The following TEKTIP1 variants were observed in gnomAD, a reference collection of about 807,000 sequenced individuals.
The protein encoded by TEKTIP1 is tektin bundle interacting protein 1, also known as tektin bundle-interacting protein 1.
chr19:3,543,361 G>C, the TEKTIP1 span: 2 of 1,549,376 alleles, frequency 1.3e-6, no homozygotes, highest in East Asian at 2.4e-5. Flanking sequence ...TGACCAACTC[G>C]GACGCCTGGG....
At chr19:3,539,311 C>CCATA in the TEKTIP1 span, 1 of 1,147,468 alleles carries the variant, frequency 8.7e-7, no homozygotes, top group South Asian at 1.3e-5. Context: ...CTCCCTCCCT[C>CCATA]CCTGGGTGTC....
chr19:3,542,673 G>A, the TEKTIP1 span: 1 of 1,175,846 alleles, frequency 8.5e-7, no homozygotes, highest in Non-Finnish European at 1.1e-6. Context: ...AGTAGAGATG[G>A]GGTTTTACCA....
chr19:3,540,370 G>C, the TEKTIP1 span, among the ~76,000 whole-genome samples: 1 of 151,516 alleles, frequency 6.6e-6, no homozygotes, highest in African/African-American at 2.4e-5. Context: ...CGATTCTCCT[G>C]CCTCAGCCTC....
At chr19:3,542,381 G>A in the TEKTIP1 span, 1 of 985,436 alleles carries the variant, frequency 1.0e-6, no homozygotes, top group Non-Finnish European at 1.2e-6. Flanking sequence ...AACCCTGCTA[G>A]ACTGTCTTGG....
At chr19:3,541,674 G>C in the TEKTIP1 span, 2 of 985,168 alleles carry the variant, frequency 2.0e-6, no homozygotes, top group Non-Finnish European at 2.4e-6. Flanking sequence ...ATGGGCTCCC[G>C]CAAGTGTGTA....
At chr19:3,543,456 A>C in the TEKTIP1 span, 2 of 1,531,372 alleles carry the variant, frequency 1.3e-6, no homozygotes, top group Admixed American at 4.0e-5. Context: ...CAACACCGTG[A>C]GTGCAGCATG....
At chr19:3,541,057 TACTCGGG>T in the TEKTIP1 span, among the ~76,000 whole-genome samples, 1 of 148,018 alleles carries the variant, frequency 6.8e-6, no homozygotes, top group African/African-American at 2.5e-5. Flanking sequence ...CAATCCCAGC[TACTCGGG>T]AGGCTGAGGC....
At chr19:3,543,944 C>T in the TEKTIP1 span, 1 of 1,551,176 alleles carries the variant, frequency 6.4e-7, no homozygotes, top group South Asian at 1.2e-5. Context: ...GGGAGTGGGT[C>T]CTGGAACCAT....
At chr19:3,543,561 C>T in the TEKTIP1 span, 5 of 1,538,404 alleles carry the variant, frequency 3.3e-6, no homozygotes, top group African/African-American at 4.1e-5. Flanking sequence ...GCAGCCTACA[C>T]CCAGCACCTG....
At chr19:3,543,627 C>T in the TEKTIP1 span, 8 of 1,544,110 alleles carry the variant, frequency 5.2e-6, no homozygotes, top group Admixed American at 1.6e-4. Context: ...GCCCCCAGCA[C>T]CCGGTGGGGG....
chr19:3,542,517 A>G, the TEKTIP1 span: 1 of 949,752 alleles, frequency 1.1e-6, no homozygotes, highest in Non-Finnish European at 1.3e-6. Flanking sequence ...TCTGTTGCCC[A>G]GGCTGGAGTG....
the TEKTIP1 span, chr19:3,541,545 A>T: frequency 3.0e-5 from 13 of 433,314 alleles, 1 homozygote; most frequent in Admixed American, 7.0e-5. Context: ...CTGGTCTCAA[A>T]CTCCTGACCT....
the TEKTIP1 span, chr19:3,542,720 T>C: frequency 7.7e-7 from 1 of 1,300,066 alleles, no homozygotes; most frequent in Non-Finnish European, 1.0e-6. Context: ...TGACCTCAAG[T>C]GATCCACCTG....
At chr19:3,543,520 G>C in the TEKTIP1 span, 2 of 1,529,352 alleles carry the variant, frequency 1.3e-6, no homozygotes, top group Non-Finnish European at 1.8e-6. Context: ...GCCAGAGGGG[G>C]ACAGGAATGA....
the TEKTIP1 span, chr19:3,541,786 AT>A: frequency 1.0e-6 from 1 of 985,006 alleles, no homozygotes; most frequent in Non-Finnish European, 1.2e-6. Context: ...TGAGGGGCTC[AT>A]TTCTCATTGA....
At chr19:3,542,872 C>G in the TEKTIP1 span, 2 of 1,393,688 alleles carry the variant, frequency 1.4e-6, no homozygotes, top group Non-Finnish European at 1.9e-6. Context: ...GGGGGCTTCC[C>G]AGAGGAAGGG....
the TEKTIP1 span, chr19:3,542,081 A>C: frequency 3.1e-6 from 3 of 977,668 alleles, no homozygotes; most frequent in South Asian, 1.4e-4. Context: ...AAGTGCTGGG[A>C]TTACAGGCAT....
At chr19:3,543,522 C>A in the TEKTIP1 span, 1 of 1,421,418 alleles carries the variant, frequency 7.0e-7, no homozygotes, top group Admixed American at 2.2e-5. Context: ...CAGAGGGGGA[C>A]AGGAATGACC....
the TEKTIP1 span, among the ~76,000 whole-genome samples, chr19:3,541,249 T>C: frequency 6.7e-6 from 1 of 148,902 alleles, no homozygotes; most frequent in African/African-American, 2.5e-5. Context: ...GGTAGGAGGA[T>C]CGCTTGAGCC....
Sources: allele counts gnomAD v4.1 joint callset (sites outside exome capture counted in the v4.1 genomes callset), GRCh38; gene constraint gnomAD v4.1.1; transcripts MANE v1.5; gene names NCBI Gene and HGNC (gene_info 2026-07-23, HGNC 2026-07-21).